The following CDK5RAP2 variants were observed in gnomAD, a reference collection of about 807,000 sequenced individuals.
CDK5RAP2 encodes CDK5 regulatory subunit-associated protein 2.
A neutral mutation model predicts 232.9 loss-of-function variants in CDK5RAP2; 147 were observed. The observed-to-expected ratio is 0.63, with a 90% CI of 0.55 to 0.72. The LOEUF is 0.72. Among genes scored for constraint, CDK5RAP2 ranks in the 30% least tolerant of loss-of-function variants. The pLI, the probability that CDK5RAP2 is intolerant of heterozygous loss-of-function variation, is 0.00. For missense variants in CDK5RAP2, 2,195 were observed against 2,231.5 expected (o/e 0.98, Z 0.33); for synonymous variants, 833 against 833.7 (o/e 1.00, Z 0.01).
chr9:120,573,434 A>G (rs915672745), intron 1 of CDK5RAP2, among the ~76,000 whole-genome samples: 11 of 152,016 alleles, frequency 7.2e-5, no homozygotes, highest in Admixed American at 6.6e-4. Context: ...CTGTAGTCCT[A>G]GCTACTTGAG....
intron 12 of CDK5RAP2, among the ~76,000 whole-genome samples, chr9:120,518,198 TGTGTGTGTGTGTGA>T (rs1383030676): frequency 1.2e-4 from 13 of 107,230 alleles, no homozygotes; most frequent in African/African-American, 3.6e-4. Flanking sequence ...TGTGTGTGTG[TGTGTGTGTGTGTGA>T]GAGAGAGAGA....
rs944494930 is a variant in CDK5RAP2, at chr9:120,403,857, G to C, written c.5041+179C>G. Reference sequence around the variant, plus strand: ...ATGTTCTAACCTTGGTAACACCTAGGAGTGGATTAACTGGCTTGAAGGAGA... The same window carrying C: ...ATGTTCTAACCTTGGTAACACCTAGCAGTGGATTAACTGGCTTGAAGGAGA... On this transcript the variant is annotated intron_variant, in intron 33 of 37. Transcript: ENST00000349780. This position sits in a 1 kb window ranked among gnomAD's most constrained non-coding sequence, Gnocchi z 4.2. Among the ~76,000 whole-genome samples, 9 of 152,196 alleles carry C rather than the reference G, an allele frequency of 5.9e-5. No homozygotes were observed. The highest frequency in any genetic ancestry group is 5.2e-4 in the Admixed American group (8 of 15,288).
chr9:120,455,472 G>A (rs1356063999), intron 20 of CDK5RAP2, among the ~76,000 whole-genome samples: 3 of 152,066 alleles, frequency 2.0e-5, no homozygotes, highest in Admixed American at 2.0e-4. Context: ...CAGGCATCAT[G>A]GTTCATGCCT....
intron 34 of CDK5RAP2, among the ~76,000 whole-genome samples, chr9:120,402,124 T>A (rs2033078748): frequency 6.6e-6 from 1 of 152,066 alleles, no homozygotes; most frequent in South Asian, 2.1e-4. Flanking sequence ...AGACCCTGTC[T>A]CTAAAAAAAA....
chr9:120,547,020 CTT>C (rs773336343), intron 4 of CDK5RAP2, among the ~76,000 whole-genome samples: 1 of 150,964 alleles, frequency 6.6e-6, no homozygotes, highest in Non-Finnish European at 1.5e-5. Context: ...AAATCTTGCT[CTT>C]GTCACCCAGT....
chr9:120,569,748 T>C (rs1160165096), intron 2 of CDK5RAP2, among the ~76,000 whole-genome samples: 1 of 152,162 alleles, frequency 6.6e-6, no homozygotes, highest in African/African-American at 2.4e-5. Flanking sequence ...ATGATTCGAC[T>C]TAGGTTTCTA....
chr9:120,569,508 C>G (rs568073472), intron 2 of CDK5RAP2, among the ~76,000 whole-genome samples: 1 of 152,258 alleles, frequency 6.6e-6, no homozygotes, highest in East Asian at 1.9e-4. Flanking sequence ...AGAGAAAGGA[C>G]CAGTTACCTG....
intron 24 of CDK5RAP2, 64 bp downstream of exon 24, chr9:120,439,333 TCC>T (rs1564216594): frequency 1.5e-6 from 2 of 1,313,774 alleles, no homozygotes. Context: ...GCTCATGGGC[TCC>T]CACCTAGTGG....
chr9:120,491,877 C>A (rs1022783624), intron 12 of CDK5RAP2, among the ~76,000 whole-genome samples: 1 of 152,098 alleles, frequency 6.6e-6, no homozygotes, highest in Non-Finnish European at 1.5e-5. Context: ...ATACAAATGT[C>A]ATAAGGCTGA....
intron 4 of CDK5RAP2, among the ~76,000 whole-genome samples, chr9:120,548,878 G>T (rs997794222): frequency 2.6e-5 from 4 of 152,070 alleles, no homozygotes; most frequent in Non-Finnish European, 5.9e-5. Flanking sequence ...TAAGTAAGGC[G>T]AGGCGCAGTG....
rs549367711 is a variant in CDK5RAP2, at chr9:120,475,575, C to A, written c.1727+1775G>T. On this transcript the variant is annotated intron_variant, in intron 15 of 37. Coordinates refer to ENST00000349780, the MANE Select transcript of CDK5RAP2 (RefSeq NM_018249.6). ...TCCACACGACTCAACCCCCAGTGCCCCCCACTGCTCGCTCCCACCGCCCAC... is the reference window on the plus strand; with the variant it reads ...TCCACACGACTCAACCCCCAGTGCCACCCACTGCTCGCTCCCACCGCCCAC... Among the ~76,000 whole-genome samples, 4 of 152,094 alleles carry A rather than the reference C, an allele frequency of 2.6e-5. No individual in the cohort carries two copies. In the East Asian group the frequency reaches 7.8e-4, roughly 29 times the overall value.
intron 7 of CDK5RAP2, among the ~76,000 whole-genome samples, chr9:120,532,729 G>A (rs1448707828): frequency 1.3e-5 from 2 of 152,162 alleles, no homozygotes; most frequent in Non-Finnish European, 2.9e-5. Context: ...CTGGGACACA[G>A]CTATCCCTGA....
chr9:120,435,713 C>T (rs570834350), intron 25 of CDK5RAP2, among the ~76,000 whole-genome samples: 1 of 152,132 alleles, frequency 6.6e-6, no homozygotes, highest in Admixed American at 6.5e-5. Flanking sequence ...GGAGACATGT[C>T]AAAAGAAACT....
At chr9:120,536,063 C>T (rs999581713) in intron 7 of CDK5RAP2, among the ~76,000 whole-genome samples, 2 of 152,070 alleles carry the variant, frequency 1.3e-5, no homozygotes, top group African/African-American at 4.8e-5. Flanking sequence ...TACCCTTTTT[C>T]CTTTGGCTCC....
rs748366652 is a variant in CDK5RAP2 at position 120,389,295 on chromosome 9, A to T, written c.5626-3T>A. On this transcript the variant is annotated splice_polypyrimidine_tract_variant and splice_region_variant and intron_variant, in intron 37 of 37. Coordinates refer to ENST00000349780, the MANE Select transcript of CDK5RAP2 (RefSeq NM_018249.6). ...GGATGGGCTCCCCCAGGCCTAAGCT[A>T]GGAAAAGGAAGAAAAAAAAGGAGAA... 6.2e-7 allele frequency: 1 copy of T among 1,611,160 alleles called. No homozygotes were observed. Among genetic ancestry groups the T allele is most frequent in the Non-Finnish European group, 8.5e-7 (1 of 1,178,342 alleles).
chr9:120,542,415 G>A (rs1457406929), intron 5 of CDK5RAP2, among the ~76,000 whole-genome samples: 2 of 150,412 alleles, frequency 1.3e-5, no homozygotes, highest in South Asian at 2.1e-4. Context: ...TGAGGCAGAA[G>A]AATCACTTGA....
intron 3 of CDK5RAP2, among the ~76,000 whole-genome samples, chr9:120,555,326 C>G (rs1390140934): frequency 6.6e-6 from 1 of 151,394 alleles, no homozygotes; most frequent in African/African-American, 2.4e-5. Flanking sequence ...TAAATAGAGA[C>G]GAGGTTTCAC....
At chr9:120,503,344 G>A (rs572813427) in intron 12 of CDK5RAP2, among the ~76,000 whole-genome samples, 91 of 152,296 alleles carry the variant, frequency 6.0e-4, no homozygotes, top group African/African-American at 2.1e-3. Context: ...ATGACCATAG[G>A]GGGAGGGCAG....
chr9:120,394,781 A>G (rs2032317014), intron 35 of CDK5RAP2, 143 bp from the exon 36 acceptor site: 1 of 778,432 alleles, frequency 1.3e-6, no homozygotes, highest in African/African-American at 1.8e-5. Flanking sequence ...TTTTCCTGAC[A>G]ACCAGGAAAA....
Sources: allele counts gnomAD v4.1 joint callset (sites outside exome capture counted in the v4.1 genomes callset), GRCh38; gene constraint gnomAD v4.1.1; non-coding constraint Gnocchi (gnomAD v3.1); transcripts MANE v1.5; gene names NCBI Gene and HGNC (gene_info 2026-07-23, HGNC 2026-07-21).